Variants in CYB5A observed in about 807,000 individuals in gnomAD.
CYB5A encodes the protein cytochrome b5.
CYB5A carries 10 observed loss-of-function variants against 16.2 expected under a neutral mutation model. The observed-to-expected ratio is 0.62, with a 90% CI of 0.38 to 1.04. The LOEUF (loss-of-function observed/expected upper bound fraction) is 1.04. Ranked by LOEUF, CYB5A falls within the 50% of genes least tolerant of loss-of-function variation. The pLI, the probability that CYB5A is intolerant of heterozygous loss-of-function variation, is 0.01. For missense variants in CYB5A, 161 were observed against 165.9 expected (o/e 0.97, Z 0.16); for synonymous variants, 62 against 57.0 (o/e 1.09, Z -0.40).
At chr18:74,270,572 C>A (rs1203525122) in intron 1 of CYB5A, among the ~76,000 whole-genome samples, 2 of 152,100 alleles carry the variant, frequency 1.3e-5, no homozygotes, top group Admixed American at 1.3e-4. Context: ...TAGATTCAAC[C>A]AACCATGGAT....
rs112381145 is a variant in CYB5A at position 74,261,695 on chromosome 18, C to T, written c.259-751G>A. On this transcript the variant is annotated intron_variant, in intron 2 of 4. Coordinates refer to ENST00000340533, the MANE Select transcript of CYB5A (RefSeq NM_148923.4). The stretch of plus-strand genomic sequence containing the variant: ...CCTCCCAACTCAATGAAGTTGTTCT[C>T]AAATGGATTTCCTACTTTCGAGCCT... 642 of 152,728 alleles carry T rather than the reference C, an allele frequency of 4.2e-3. 3 individuals are homozygous for T. The highest frequency in any genetic ancestry group is 7.1e-3 in the Non-Finnish European group (485 of 68,346). 9.5% of individuals were successfully genotyped at this position (152,728 alleles called of 1,614,324 possible). A position where few individuals can be genotyped will look rare whatever the true frequency, so the allele number is the denominator to read the frequency against.
chr18:74,271,647 C>A (rs961885011), intron 1 of CYB5A, among the ~76,000 whole-genome samples: 1 of 149,844 alleles, frequency 6.7e-6, no homozygotes, highest in Middle Eastern at 3.2e-3. Context: ...ATGTACTTAT[C>A]GTGTGTGTGT....
chr18:74,276,593 G>C (rs1344252211), intron 1 of CYB5A, among the ~76,000 whole-genome samples: 1 of 150,884 alleles, frequency 6.6e-6, no homozygotes, highest in Non-Finnish European at 1.5e-5. Flanking sequence ...TTGACTACAA[G>C]GTTGTCACTA....
In CYB5A at chr18:74,255,783, A is replaced by C. The variant is rs73480489; in HGVS notation, c.289-8T>G. ...AGTAGTGATAAGAGTTTCCTGAAAC[A>C]CGAGAGGAAAAAGTAAAGTAAGTTC... On this transcript the variant is annotated splice_region_variant and splice_polypyrimidine_tract_variant and intron_variant, in intron 3 of 4. Transcript: ENST00000340533. The C allele has an allele frequency of 1.2e-6, 2 of 1,607,706 alleles. No homozygotes were observed. Among genetic ancestry groups the C allele is most frequent in the East Asian group, 4.5e-5 (2 of 44,862 alleles).
rs1983128175 is a variant in CYB5A, at chr18:74,281,916, G to A, written c.129+9831C>T. Among the ~76,000 whole-genome samples, 3 of 152,092 alleles carry A rather than the reference G, an allele frequency of 2.0e-5. No homozygotes were observed. The South Asian group carries it at 6.2e-4, about 32-fold the overall frequency. On this transcript the variant is annotated intron_variant, in intron 1 of 4. Transcript: ENST00000340533. The stretch of plus-strand genomic sequence containing the variant: ...GCAGGGTGTGGCCTGGAGGGGCCTG[G>A]TTTATACTGGGGAACATCGGGTGGC...
At chr18:74,275,985 T>A (rs1982859807) in intron 1 of CYB5A, among the ~76,000 whole-genome samples, 1 of 151,886 alleles carries the variant, frequency 6.6e-6, no homozygotes, top group African/African-American at 2.4e-5. Context: ...CCCAGAGGCG[T>A]CTCCAACCCC....
At chr18:74,290,467 A>G (rs1165304521) in intron 1 of CYB5A, among the ~76,000 whole-genome samples, 1 of 151,736 alleles carries the variant, frequency 6.6e-6, no homozygotes, top group Admixed American at 6.6e-5. Flanking sequence ...CTGGTCTCGA[A>G]CTCCTAGACT....
rs141627217 is a variant in CYB5A, at chr18:74,276,818, G to A, written c.130-13341C>T. On this transcript the variant is annotated intron_variant, in intron 1 of 4. Transcript: ENST00000340533. ...AGGCGTCTAAGTCGAGATGATTCCC[G>A]TGTCCCTCAGGCACAGTCTGTTTGG... Among the ~76,000 whole-genome samples, 666 of 152,276 alleles carry A rather than the reference G, an allele frequency of 4.4e-3. 3 individuals carry two copies. The highest frequency in any genetic ancestry group is 0.015 in the African/African-American group (631 of 41,544).
intron 1 of CYB5A, among the ~76,000 whole-genome samples, chr18:74,281,378 T>G (rs149280147): frequency 6.6e-6 from 1 of 152,114 alleles, no homozygotes; most frequent in South Asian, 2.1e-4. Context: ...CATGCTACTG[T>G]GTGAGCCTGC....
intron 1 of CYB5A, among the ~76,000 whole-genome samples, chr18:74,290,452 T>A (rs1274082687): frequency 6.6e-6 from 1 of 151,476 alleles, no homozygotes; most frequent in African/African-American, 2.4e-5. Flanking sequence ...GCCATGTTGG[T>A]CAAGCTGGTC....
At chr18:74,288,493 C>G (rs536005960) in intron 1 of CYB5A, among the ~76,000 whole-genome samples, 14 of 152,196 alleles carry the variant, frequency 9.2e-5, no homozygotes, top group Non-Finnish European at 1.8e-4. Context: ...TGTTAGTTAA[C>G]ACACAAAGGC....
At chr18:74,277,955 C>T (rs539411289) in intron 1 of CYB5A, among the ~76,000 whole-genome samples, 130 of 152,336 alleles carry the variant, frequency 8.5e-4, no homozygotes, top group African/African-American at 3.0e-3. Flanking sequence ...ACAGCCTGAA[C>T]AAATGCCTTC....
Position 74,291,959 on chromosome 18 carries a change from C to T in CYB5A, c.-84G>A. ...GCGACTCAGCCAGCTCCACCCGGGA[C>T]ATTCCCCGCGCCGGGAACCCCACTG... is the stretch of plus-strand genomic sequence containing the variant. On this transcript the variant is annotated 5_prime_UTR_variant, in exon 1 of 5. The change abolishes an upstream ATG in the 5' untranslated region. Transcript: ENST00000340533. 2 of 1,595,458 alleles carry T rather than the reference C, an allele frequency of 1.3e-6. No individual in the cohort carries two copies. Among genetic ancestry groups the T allele is most frequent in the Non-Finnish European group, 1.7e-6 (2 of 1,175,958 alleles).
chr18:74,272,812 C>T (rs1270963054), intron 1 of CYB5A, among the ~76,000 whole-genome samples: 1 of 150,330 alleles, frequency 6.7e-6, no homozygotes, highest in Non-Finnish European at 1.5e-5. Context: ...TCCTCAGCTA[C>T]TTGGGAGGCT....
rs111303909 is a variant in CYB5A, at chr18:74,253,563, C to T, written c.*21G>A. 5.2e-3 allele frequency: 8,188 copies of T among 1,566,862 alleles called. 40 individuals carry two copies. Among genetic ancestry groups the T allele is most frequent in the Non-Finnish European group, 6.2e-3 (7,025 of 1,138,092 alleles). On this transcript the variant is annotated 3_prime_UTR_variant, in exon 5 of 5. Transcript: ENST00000340533. The stretch of plus-strand genomic sequence containing the variant: ...CCGTGTCCAAAGCAGGCTCTTCCTG[C>T]GCTGACTTCTGAGGAGGTGTTCAGT...
In CYB5A at chr18:74,262,026, G is replaced by A. The variant is rs115612867; in HGVS notation, c.259-1082C>T. On this transcript the variant is annotated intron_variant, in intron 2 of 4. Transcript: ENST00000340533. The stretch of plus-strand genomic sequence containing the variant: ...AGGATCCACTCCAGAAGCTCAGAGC[G>A]CTCGGCAACTTCTTTCCAAGTTTTC... Among the ~76,000 whole-genome samples the A allele has an allele frequency of 2.6e-5, 4 of 152,282 alleles. No individual in the cohort carries two copies. The East Asian group carries it at 5.8e-4, about 22-fold the overall frequency.
chr18:74,254,921 TG>T (rs1981913908), intron 4 of CYB5A, among the ~76,000 whole-genome samples: 1 of 152,220 alleles, frequency 6.6e-6, no homozygotes, highest in African/African-American at 2.4e-5. Context: ...GAAATAGACT[TG>T]GTATACATAT....
chr18:74,281,070 G>C (rs1414842341), intron 1 of CYB5A, among the ~76,000 whole-genome samples: 2 of 152,110 alleles, frequency 1.3e-5, no homozygotes, highest in Non-Finnish European at 2.9e-5. Flanking sequence ...AAATTGGTGA[G>C]ATTCTGACAT....
chr18:74,268,778 C>T (rs1982551391), intron 1 of CYB5A, among the ~76,000 whole-genome samples: 2 of 152,092 alleles, frequency 1.3e-5, no homozygotes, highest in African/African-American at 4.8e-5. Context: ...AAGATGGGGC[C>T]AAATGCTGAG....
Sources: gnomAD v4.1 joint callset for allele counts (sites outside exome capture counted in the v4.1 genomes callset) on GRCh38, gnomAD v4.1.1 for gene constraint, MANE v1.5 for transcripts, NCBI Gene and HGNC (gene_info 2026-07-23, HGNC 2026-07-21) for gene names.